NEBL: variants seen among roughly 807,000 people sequenced by gnomAD.
The protein encoded by NEBL is nebulette, also known as LIM and SH3 protein 2.
Under a neutral mutation model 140.2 loss-of-function variants are expected in NEBL, and 122 were observed. That is an observed-to-expected ratio of 0.87 (90% CI 0.75 to 1.01). The LOEUF is 1.01. Among genes scored for constraint, NEBL ranks in the 50% least tolerant of loss-of-function variants. NEBL has a pLI of 0.00. For synonymous variants in NEBL, 436 were observed against 398.9 expected, an observed-to-expected ratio of 1.09 and a Z score of -1.11; for missense variants, 1,365 against 1,231.3, an observed-to-expected ratio of 1.11 and a Z score of -1.62.
chr10:21,250,067 A>T (rs1034651632), intron 2 of NEBL, among the ~76,000 whole-genome samples: 1 of 152,174 alleles, frequency 6.6e-6, no homozygotes, highest in East Asian at 1.9e-4. Flanking sequence ...CGTCTCAAAA[A>T]AAAAAGAAAT....
intron 1 of NEBL, among the ~76,000 whole-genome samples, chr10:21,266,950 T>G (rs1350552608): frequency 6.6e-6 from 1 of 151,032 alleles, no homozygotes; most frequent in Non-Finnish European, 1.5e-5. Context: ...ATAATTTTTG[T>G]TTTTTTTGTT....
intron 3 of NEBL, among the ~76,000 whole-genome samples, chr10:21,219,784 A>C (rs1423455999): frequency 6.7e-6 from 1 of 149,896 alleles, no homozygotes; most frequent in African/African-American, 2.4e-5. Flanking sequence ...TACAGTTTCC[A>C]GTGTACAGAT....
At chr10:20,978,492 C>A (rs528526250) in intron 3 of NEBL, among the ~76,000 whole-genome samples, 19 of 151,894 alleles carry the variant, frequency 1.3e-4, no homozygotes, top group African/African-American at 4.6e-4. Context: ...TGCAGTGGCT[C>A]ACATCTGTAA....
At chr10:20,855,392 C>A (rs1219915113) in intron 9 of NEBL, among the ~76,000 whole-genome samples, 7 of 151,398 alleles carry the variant, frequency 4.6e-5, no homozygotes, top group African/African-American at 1.7e-4. Flanking sequence ...TTAAAATCCA[C>A]AACAAATACA....
upstream of NEBL, among the ~76,000 whole-genome samples, chr10:20,899,222 T>C (rs1847732218): frequency 6.6e-6 from 1 of 152,182 alleles, no homozygotes; most frequent in Non-Finnish European, 1.5e-5. Flanking sequence ...TATTTGGAAA[T>C]AGGGAGGAGT....
intron 3 of NEBL, among the ~76,000 whole-genome samples, chr10:20,999,428 C>T (rs10828169): frequency 0.11 from 16,572 of 152,000 alleles, 2,031 homozygotes; most frequent in East Asian, 0.43. Flanking sequence ...AAGACCCCAT[C>T]CCTACTAAAA....
chr10:20,915,889 C>T (rs1220343527), intron 4 of NEBL, among the ~76,000 whole-genome samples: 1 of 152,180 alleles, frequency 6.6e-6, no homozygotes, highest in African/African-American at 2.4e-5. Context: ...GATCTGCAAG[C>T]TAACCAAACA....
chr10:21,192,487 C>T lies in NEBL; in HGVS notation n.349-20010G>A, dbSNP rs183672106. The stretch of plus-strand genomic sequence containing the variant: ...GATTACAGGTGTGAGCCACCGCGCC[C>T]GGCCAATAGACATTTTTTTTTAAAT... On this transcript the variant is annotated intron_variant and non_coding_transcript_variant, in intron 3 of 8. Transcript: ENST00000675702. 5.0e-3 allele frequency among the ~76,000 whole-genome samples: 753 copies of T among 151,162 alleles called. 9 individuals are homozygous for T. The East Asian group carries it at 0.053, about 11-fold the overall frequency.
In NEBL at chr10:20,911,090, G is replaced by A. The variant is rs145593777; in HGVS notation, c.357+50582C>T. On this transcript the variant is annotated intron_variant, in intron 4 of 6. Transcript: ENST00000417816. Reference sequence around the variant, plus strand: ...GAAGTGGGAGAATTGCTTGAGCCTGGGAGGTGGAGGTTGCAGTGAGCAGTA... The same window carrying A: ...GAAGTGGGAGAATTGCTTGAGCCTGAGAGGTGGAGGTTGCAGTGAGCAGTA... Among the ~76,000 whole-genome samples, 1,113 of 152,128 alleles carry A rather than the reference G, an allele frequency of 7.3e-3. 11 individuals carry two copies. The highest frequency in any genetic ancestry group is 0.026 in the African/African-American group (1,066 of 41,490).
At chr10:21,120,073 T>C (rs1322085898) in intron 2 of NEBL, among the ~76,000 whole-genome samples, 1 of 152,026 alleles carries the variant, frequency 6.6e-6, no homozygotes, top group Non-Finnish European at 1.5e-5. Context: ...GTAATGATGT[T>C]AAATTGTTTA....
At chr10:20,796,367 GAAAA>G (rs57844177) in intron 26 of NEBL, among the ~76,000 whole-genome samples, 125 of 51,516 alleles carry the variant, frequency 2.4e-3, no homozygotes, top group African/African-American at 7.1e-3. Context: ...TCTAAAACAA[GAAAA>G]AAAAAAAAAA....
chr10:20,939,053 G>T (rs1375033267), intron 4 of NEBL, among the ~76,000 whole-genome samples: 2 of 152,114 alleles, frequency 1.3e-5, no homozygotes, highest in African/African-American at 2.4e-5. Context: ...ATCTAGCAAG[G>T]CAGGCCAACA....
intron 26 of NEBL, among the ~76,000 whole-genome samples, chr10:20,792,033 G>T (rs554281478): frequency 6.6e-6 from 1 of 150,642 alleles, no homozygotes; most frequent in African/African-American, 2.4e-5. Context: ...TGAAGCCACA[G>T]TTAAGGTTTC....
At position 20,781,784 on chromosome 10, in the gene NEBL, C is replaced by T. The variant is rs1436245218; in HGVS notation, c.*3963G>A. On this transcript the variant is annotated 3_prime_UTR_variant, in exon 28 of 28. Transcript: ENST00000377122. The stretch of plus-strand genomic sequence containing the variant: ...AGTTGCGAGGAAAGGGTCCAAAAGG[C>T]ATGGAATACTTCAGAGACTTTTATT... 6.6e-6 allele frequency: 1 copy of T among 152,582 alleles called. No homozygotes were observed. Among genetic ancestry groups the T allele is most frequent in the African/African-American group, 2.4e-5 (1 of 41,438 alleles). 9.5% of individuals were successfully genotyped at this position (152,582 alleles called of 1,614,324 possible). A position where few individuals can be genotyped will look rare whatever the true frequency, so the allele number is the denominator to read the frequency against.
At chr10:21,126,391 C>CA (rs1490836820) in intron 2 of NEBL, among the ~76,000 whole-genome samples, 2 of 151,870 alleles carry the variant, frequency 1.3e-5, no homozygotes, top group East Asian at 3.9e-4. Context: ...ACTAGGAGCT[C>CA]AAAGATCAGA....
chr10:21,212,385 T>C (rs7922952), intron 3 of NEBL, among the ~76,000 whole-genome samples: 29,845 of 151,946 alleles, frequency 0.2, 4,855 homozygotes, highest in African/African-American at 0.45. Context: ...GCCCCAACTT[T>C]CCTTGCAAAG....
intron 1 of NEBL, among the ~76,000 whole-genome samples, chr10:21,282,968 T>C (rs1419022420): frequency 6.6e-6 from 1 of 151,558 alleles, no homozygotes; most frequent in Non-Finnish European, 1.5e-5. Flanking sequence ...CTACTGAAAA[T>C]ACAAAAAATT....
At chr10:21,124,532 G>C (rs1838724649) in intron 2 of NEBL, among the ~76,000 whole-genome samples, 1 of 152,264 alleles carries the variant, frequency 6.6e-6, no homozygotes, top group South Asian at 2.1e-4. Flanking sequence ...GCTCATTAGG[G>C]TCACTTTTAA....
intron 2 of NEBL, chr10:21,070,069 G>C: frequency 2.2e-6 from 1 of 453,634 alleles, no homozygotes; most frequent in Non-Finnish European, 4.4e-6. Flanking sequence ...CTTCGGGACA[G>C]GAAGGAAAGA....
Sources: allele counts gnomAD v4.1 joint callset (sites outside exome capture counted in the v4.1 genomes callset), GRCh38; gene constraint gnomAD v4.1.1; transcripts MANE v1.5; gene names NCBI Gene and HGNC (gene_info 2026-07-23, HGNC 2026-07-21).